PTPRT: variants seen among roughly 807,000 people sequenced by gnomAD.
PTPRT encodes the protein protein tyrosine phosphatase receptor type T.
Under a neutral mutation model 176.8 loss-of-function variants are expected in PTPRT, and 56 were observed. That is an observed-to-expected ratio of 0.32 (90% CI 0.26 to 0.40). The LOEUF is 0.40. Ranked by LOEUF, PTPRT falls within the 10% of genes least tolerant of loss-of-function variation. The pLI is 1.00. For missense variants in PTPRT, 1,540 were observed against 1,908.2 expected, an observed-to-expected ratio of 0.81 and a Z score of 3.60; for synonymous variants, 783 against 739.0, an observed-to-expected ratio of 1.06 and a Z score of -0.96.
chr20:42,214,954 T>G (rs940574929), intron 15 of PTPRT, among the ~76,000 whole-genome samples: 4 of 152,252 alleles, frequency 2.6e-5, no homozygotes, highest in African/African-American at 9.6e-5. Context: ...AGTTTTCTCT[T>G]CTGTCAAATA....
chr20:42,269,232 C>G (rs1008709850), intron 13 of PTPRT, among the ~76,000 whole-genome samples: 6 of 152,142 alleles, frequency 3.9e-5, no homozygotes, highest in Non-Finnish European at 7.4e-5. Context: ...TCTCAGTGTC[C>G]AGGGAACTCA....
intron 7 of PTPRT, among the ~76,000 whole-genome samples, chr20:42,503,897 A>G (rs890716620): frequency 6.6e-6 from 1 of 152,024 alleles, no homozygotes; most frequent in Admixed American, 6.6e-5. Context: ...ATTTTCTCAA[A>G]TCTATAACCT....
At chr20:42,574,306 G>A (rs1795845737) in intron 7 of PTPRT, among the ~76,000 whole-genome samples, 1 of 152,196 alleles carries the variant, frequency 6.6e-6, no homozygotes, top group Admixed American at 6.5e-5. Context: ...TCAATCAAAA[G>A]GGTATTGGAG....
chr20:42,962,720 T>C (rs1336214798), intron 1 of PTPRT, among the ~76,000 whole-genome samples: 1 of 152,186 alleles, frequency 6.6e-6, no homozygotes, highest in Non-Finnish European at 1.5e-5. Flanking sequence ...AGAAAGGATG[T>C]ACAGAAACAC....
At chr20:42,321,924 T>A (rs1289863911) in intron 11 of PTPRT, among the ~76,000 whole-genome samples, 1 of 151,958 alleles carries the variant, frequency 6.6e-6, no homozygotes, top group Non-Finnish European at 1.5e-5. Context: ...ACAAAAAAAA[T>A]TAGCCAGGCG....
At position 42,272,481 on chromosome 20, in the gene PTPRT, C is replaced by T. The variant is rs538864077; in HGVS notation, c.2176+10008G>A. On this transcript the variant is annotated intron_variant, in intron 13 of 30. Transcript: ENST00000373187. The stretch of plus-strand genomic sequence containing the variant: ...CCCTCACATGTCAGTAAAAGAAATG[C>T]AAAGCTTCAGAGAAGAGATGACTTA... Among the ~76,000 whole-genome samples the T allele has an allele frequency of 5.3e-5, 8 of 152,106 alleles. No homozygotes were observed. The South Asian group carries it at 1.0e-3, about 20-fold the overall frequency.
rs16987621 is a variant in PTPRT, at chr20:42,923,756, G to A, written c.89-37824C>T. On this transcript the variant is annotated intron_variant, in intron 1 of 30. Transcript: ENST00000373187. ...TGGGCCAGTGGATGCTTCACAACCT[G>A]AAGGATGGCCAGGGCCTCTTGGGCC... 7.8e-3 allele frequency among the ~76,000 whole-genome samples: 1,182 copies of A among 152,352 alleles called. 44 individuals are homozygous for A. Among genetic ancestry groups the A allele is most frequent in the Admixed American group, 0.068 (1,035 of 15,308 alleles).
intron 12 of PTPRT, among the ~76,000 whole-genome samples, chr20:42,314,096 G>T (rs2057677014): frequency 6.6e-6 from 1 of 152,078 alleles, no homozygotes; most frequent in Non-Finnish European, 1.5e-5. Flanking sequence ...AAGCTTCTCA[G>T]TTCTCCATGT....
chr20:42,667,551 A>G (rs989638449), intron 7 of PTPRT, among the ~76,000 whole-genome samples: 3 of 152,184 alleles, frequency 2.0e-5, no homozygotes, highest in African/African-American at 7.2e-5. Flanking sequence ...AAATCCAGAG[A>G]GCTTGATAAA....
chr20:42,666,405 T>C (rs2075318083), intron 7 of PTPRT, among the ~76,000 whole-genome samples: 2 of 152,248 alleles, frequency 1.3e-5, no homozygotes, highest in African/African-American at 4.8e-5. Context: ...TGCTATGTAC[T>C]GTATTCATTT....
chr20:42,294,689 A>G (rs2057363524), intron 12 of PTPRT, among the ~76,000 whole-genome samples: 1 of 152,070 alleles, frequency 6.6e-6, no homozygotes, highest in African/African-American at 2.4e-5. Flanking sequence ...CCCTAACAAG[A>G]AAACAGTCTA....
At chr20:42,585,658 T>C (rs2073458389) in intron 7 of PTPRT, among the ~76,000 whole-genome samples, 1 of 152,198 alleles carries the variant, frequency 6.6e-6, no homozygotes, top group East Asian at 1.9e-4. Flanking sequence ...TATCATTATC[T>C]AATCATATAA....
intron 15 of PTPRT, among the ~76,000 whole-genome samples, chr20:42,207,954 C>T (rs1415158176): frequency 2.2e-5 from 1 of 44,972 alleles, no homozygotes; most frequent in Non-Finnish European, 4.5e-5. Context: ...TCGGCAGAAA[C>T]CCTACAAGCC....
At chr20:42,944,540 C>A (rs1392486272) in intron 1 of PTPRT, among the ~76,000 whole-genome samples, 1 of 152,188 alleles carries the variant, frequency 6.6e-6, no homozygotes, top group Admixed American at 6.5e-5. Context: ...AGCTACTTTC[C>A]ACTTGCTGTT....
chr20:43,088,772 A>G (rs1264469118), intron 1 of PTPRT, among the ~76,000 whole-genome samples: 1 of 152,130 alleles, frequency 6.6e-6, no homozygotes, highest in Admixed American at 6.5e-5. Context: ...CAGAACATCC[A>G]TCCTGGAAAA....
At chr20:42,653,138 C>T (rs2075062631) in intron 7 of PTPRT, among the ~76,000 whole-genome samples, 1 of 152,144 alleles carries the variant, frequency 6.6e-6, no homozygotes, top group African/African-American at 2.4e-5. Context: ...CGGTTACCCC[C>T]ATGCTGCTGT....
intron 9 of PTPRT, among the ~76,000 whole-genome samples, chr20:42,387,136 T>C (rs1387652907): frequency 6.6e-6 from 1 of 152,224 alleles, no homozygotes; most frequent in African/African-American, 2.4e-5. Flanking sequence ...CCAAGCCTGG[T>C]TATATACTCT....
intron 1 of PTPRT, among the ~76,000 whole-genome samples, chr20:43,138,230 G>A (rs551560535): frequency 1.6e-4 from 25 of 152,334 alleles, no homozygotes; most frequent in African/African-American, 5.8e-4. Context: ...CTGACACACA[G>A]GGTCTGAAAC....
intron 5 of PTPRT, among the ~76,000 whole-genome samples, chr20:42,770,619 G>A (rs2077048608): frequency 6.6e-6 from 1 of 150,450 alleles, no homozygotes; most frequent in African/African-American, 2.4e-5. Flanking sequence ...AGAATAGACA[G>A]ATTGCTCATT....
Sources: allele counts gnomAD v4.1 joint callset (sites outside exome capture counted in the v4.1 genomes callset), GRCh38; gene constraint gnomAD v4.1.1; transcripts MANE v1.5; gene names NCBI Gene and HGNC (gene_info 2026-07-23, HGNC 2026-07-21).